The following ASXL2 variants were observed in gnomAD, a reference collection of about 807,000 sequenced individuals.
The protein encoded by ASXL2 is ASXL transcriptional regulator 2, also known as putative Polycomb group protein ASXL2.
ASXL2 carries 23 observed loss-of-function variants against 122.0 expected under a neutral mutation model. That is an observed-to-expected ratio of 0.19 (90% CI 0.14 to 0.27). The LOEUF is 0.27. ASXL2 is among the 10% of genes least tolerant of loss of function. The pLI is 1.00. For synonymous variants in ASXL2, 650 were observed against 637.0 expected, an observed-to-expected ratio of 1.02 and a Z score of -0.31; for missense variants, 1,518 against 1,713.8, an observed-to-expected ratio of 0.89 and a Z score of 2.02.
At chr2:25,849,064 C>CATTTATATATATATATATATATATATAT (rs2089685964) in intron 1 of ASXL2, among the ~76,000 whole-genome samples, 1 of 86,516 alleles carries the variant, frequency 1.2e-5, no homozygotes, top group Non-Finnish European at 2.0e-5. Context: ...AAAAAATTTA[C>CATTTATATATATATATATATATATATAT]ATATATATAT....
intron 1 of ASXL2, chr2:25,856,914 A>T: frequency 1.5e-6 from 1 of 655,484 alleles, no homozygotes; most frequent in Non-Finnish European, 2.8e-6. Flanking sequence ...TCTAGGTGGC[A>T]GCTGGGACAG....
intron 1 of ASXL2, among the ~76,000 whole-genome samples, chr2:25,866,897 T>TG (rs1179111954): frequency 1.3e-5 from 2 of 151,590 alleles, no homozygotes; most frequent in Non-Finnish European, 2.9e-5. Context: ...CACGTCCAGC[T>TG]AATTTTTTTT....
intron 5 of ASXL2, among the ~76,000 whole-genome samples, chr2:25,785,421 C>T (rs2088723347): frequency 1.3e-5 from 2 of 152,138 alleles, no homozygotes; most frequent in Non-Finnish European, 2.9e-5. Flanking sequence ...GATGGGGTTT[C>T]ACCATGGTGG....
At chr2:25,853,840 A>G (rs1298688363) in intron 1 of ASXL2, among the ~76,000 whole-genome samples, 2 of 151,858 alleles carry the variant, frequency 1.3e-5, no homozygotes, top group Non-Finnish European at 2.9e-5. Flanking sequence ...TGCCTATTAT[A>G]TGACAGATCT....
intron 5 of ASXL2, among the ~76,000 whole-genome samples, chr2:25,792,126 A>G (rs1221599947): frequency 6.6e-6 from 1 of 152,214 alleles, no homozygotes; most frequent in Non-Finnish European, 1.5e-5. Context: ...TCTACCAAGT[A>G]GCTGGGACTA....
Position 25,878,476 on chromosome 2 carries a change from C to T in ASXL2, c.-254G>A. ...TGGGTTCTTACTGTACAGGCTGCCG[C>T]TACGGTCATGTGACCGCTCCCGCGC... On this transcript the variant is annotated 5_prime_UTR_variant, in exon 1 of 13. Transcript: ENST00000435504. 1 of 511,788 alleles carries T rather than the reference C, an allele frequency of 2.0e-6. No individual in the cohort carries two copies. Among genetic ancestry groups the T allele is most frequent in the Non-Finnish European group, 3.5e-6 (1 of 288,462 alleles). 31.7% of individuals were successfully genotyped at this position (511,788 alleles called of 1,614,324 possible). A position where few individuals can be genotyped will look rare whatever the true frequency, so the allele number is the denominator to read the frequency against.
chr2:25,828,495 C>T (rs116399894), intron 3 of ASXL2, among the ~76,000 whole-genome samples: 5,754 of 71,326 alleles, frequency 0.081, 190 homozygotes, highest in African/African-American at 0.16. Context: ...CAACAAAGAG[C>T]AAAACTCCAT....
intron 1 of ASXL2, among the ~76,000 whole-genome samples, chr2:25,857,521 C>G (rs962534095): frequency 6.6e-6 from 1 of 152,172 alleles, no homozygotes; most frequent in Admixed American, 6.5e-5. Flanking sequence ...CACTGGCTAC[C>G]TCATCATTCC....
At chr2:25,829,571 T>G (rs892883279) in intron 3 of ASXL2, among the ~76,000 whole-genome samples, 1 of 152,210 alleles carries the variant, frequency 6.6e-6, no homozygotes, top group Non-Finnish European at 1.5e-5. Flanking sequence ...ATTTTCTACT[T>G]TGAACCAGAG....
At position 25,753,571 on chromosome 2, in the gene ASXL2, A is replaced by G; in HGVS notation, c.1105T>C (p.Trp369Arg). ...TAGCTTTCAAAGAATTGTTCTTTCCATGGCTCCACTTTTTTCTCCTTCTCA... is the reference window on the plus strand; with the variant it reads ...TAGCTTTCAAAGAATTGTTCTTTCCGTGGCTCCACTTTTTTCTCCTTCTCA... ...EIEKEKKVEP[W>R]KEQFFESYYG... is the part of the protein sequence containing the mutation. Residue 369 changes from tryptophan (W) to arginine (R), a missense_variant, in exon 11 of 13, where the codon TGG becomes CGG. Transcript: ENST00000435504. 1 of 1,613,778 alleles carries G rather than the reference A, an allele frequency of 6.2e-7. No individual in the cohort carries two copies. Among genetic ancestry groups the G allele is most frequent in the Non-Finnish European group, 8.5e-7 (1 of 1,179,836 alleles).
At chr2:25,786,604 A>G (rs1160515613) in intron 5 of ASXL2, among the ~76,000 whole-genome samples, 2 of 152,170 alleles carry the variant, frequency 1.3e-5, no homozygotes, top group Non-Finnish European at 2.9e-5. Flanking sequence ...CTGTAATCCC[A>G]GCACTTTGAG....
chr2:25,743,370 C>A lies in ASXL2; in HGVS notation c.2967G>T (p.Gly989=). ...TVPLTAKEER[G]MGALIATNTT... ...TGTTGGTAGCTATGAGCGCTCCCAT[C>A]CCCCTTTCCTCTTTTGCAGTCAGTG... The change falls in exon 13 of 13, where the codon GGG becomes GGT. Residue 989 remains glycine, a synonymous_variant. Coordinates refer to ENST00000435504, the MANE Select transcript of ASXL2 (RefSeq NM_018263.6). The A allele has an allele frequency of 6.2e-7, 1 of 1,613,880 alleles. No homozygotes were observed. The highest frequency in any genetic ancestry group is 8.5e-7 in the Non-Finnish European group (1 of 1,179,888).
intron 3 of ASXL2, among the ~76,000 whole-genome samples, chr2:25,818,512 A>G (rs1054031374): frequency 6.6e-6 from 1 of 152,200 alleles, no homozygotes; most frequent in Non-Finnish European, 1.5e-5. Context: ...GCTCATCTCA[A>G]AAAAAGAGAA....
intron 4 of ASXL2, among the ~76,000 whole-genome samples, chr2:25,799,746 T>C (rs953934058): frequency 2.6e-5 from 4 of 152,202 alleles, no homozygotes; most frequent in Non-Finnish European, 4.4e-5. Flanking sequence ...AAAAATTATA[T>C]ACAACATTCA....
chr2:25,796,091 T>C (rs933427840), intron 5 of ASXL2, among the ~76,000 whole-genome samples: 1 of 152,224 alleles, frequency 6.6e-6, no homozygotes, highest in African/African-American at 2.4e-5. Flanking sequence ...AAATTATGTA[T>C]GTAGTAGCTA....
At chr2:25,826,398 A>C (rs1403020736) in intron 3 of ASXL2, among the ~76,000 whole-genome samples, 1 of 152,164 alleles carries the variant, frequency 6.6e-6, no homozygotes, top group African/African-American at 2.4e-5. Context: ...AATCCAAAGA[A>C]TCTTTAATAC....
chr2:25,839,611 T>C (rs2089552432), intron 2 of ASXL2, among the ~76,000 whole-genome samples: 2 of 137,302 alleles, frequency 1.5e-5, no homozygotes, highest in Non-Finnish European at 1.6e-5. Flanking sequence ...TGGGAAATTC[T>C]ATCTTTTTTT....
chr2:25,790,106 C>T (rs2088808454), intron 5 of ASXL2, among the ~76,000 whole-genome samples: 1 of 152,030 alleles, frequency 6.6e-6, no homozygotes, highest in Non-Finnish European at 1.5e-5. Context: ...GCTGAAAAAT[C>T]ATCTAAACTA....
At chr2:25,834,031 A>T (rs973024365) in intron 3 of ASXL2, among the ~76,000 whole-genome samples, 2 of 152,076 alleles carry the variant, frequency 1.3e-5, no homozygotes, top group Non-Finnish European at 2.9e-5. Context: ...AGTTATTCAC[A>T]TTTGGTTCCT....
Sources: gnomAD v4.1 joint callset for allele counts (sites outside exome capture counted in the v4.1 genomes callset) on GRCh38, gnomAD v4.1.1 for gene constraint, MANE v1.5 for transcripts, NCBI Gene and HGNC (gene_info 2026-07-23, HGNC 2026-07-21) for gene names.